Variants in SMOC2 observed in about 807,000 individuals in gnomAD.
The protein encoded by SMOC2 is SPARC related modular calcium binding 2.
In SMOC2, 39 loss-of-function variants were observed where a neutral mutation model predicts 61.4. The observed-to-expected ratio is 0.64, with a 90% confidence interval of 0.49 to 0.83. The LOEUF is 0.83. Ranked by LOEUF, SMOC2 falls within the 40% of genes least tolerant of loss-of-function variation. SMOC2 has a pLI of 0.00. For synonymous variants in SMOC2, 247 were observed against 239.9 expected, an observed-to-expected ratio of 1.03 and a Z score of -0.27; for missense variants, 556 against 592.9, an observed-to-expected ratio of 0.94 and a Z score of 0.65.
intron 4 of SMOC2, among the ~76,000 whole-genome samples, chr6:168,542,090 C>A (rs568729151): frequency 1.2e-4 from 19 of 152,314 alleles, no homozygotes; most frequent in African/African-American, 4.1e-4. Context: ...AAAATATGAT[C>A]ATTTCCCGTC....
intron 1 of SMOC2, among the ~76,000 whole-genome samples, chr6:168,446,505 A>G (rs989564195): frequency 2.6e-5 from 4 of 152,242 alleles, no homozygotes; most frequent in Non-Finnish European, 1.5e-5. Flanking sequence ...TGTTTCTCCA[A>G]TTGATGGCAT....
chr6:168,476,342 C>A (rs1272999065), intron 1 of SMOC2, among the ~76,000 whole-genome samples: 1 of 151,960 alleles, frequency 6.6e-6, no homozygotes, highest in Non-Finnish European at 1.5e-5. Flanking sequence ...GAGAACATGG[C>A]AGTTTCTGTT....
Position 168,559,887 on chromosome 6 carries a change from T to C in SMOC2, c.637+10684T>C, listed in dbSNP as rs114889847. 5.6e-3 allele frequency among the ~76,000 whole-genome samples: 849 copies of C among 152,338 alleles called. 8 individuals carry two copies. Among genetic ancestry groups the C allele is most frequent in the African/African-American group, 0.02 (816 of 41,574 alleles). Reference sequence around the variant, plus strand: ...TTTCTCTGTAGTCACCCTTATCAAGTGCTGACTGATGAGGACTTGTTTGCC... The same window carrying C: ...TTTCTCTGTAGTCACCCTTATCAAGCGCTGACTGATGAGGACTTGTTTGCC... On this transcript the variant is annotated intron_variant, in intron 7 of 12. Coordinates refer to ENST00000356284, the MANE Select transcript of SMOC2 (RefSeq NM_001166412.2).
intron 7 of SMOC2, among the ~76,000 whole-genome samples, chr6:168,571,657 T>A (rs942992172): frequency 6.6e-6 from 1 of 152,196 alleles, no homozygotes; most frequent in Non-Finnish European, 1.5e-5. Flanking sequence ...TGAGGAATAC[T>A]TCTCTATGGA....
intron 1 of SMOC2, among the ~76,000 whole-genome samples, chr6:168,467,121 A>G (rs1020933665): frequency 3.4e-5 from 5 of 147,410 alleles, no homozygotes; most frequent in African/African-American, 1.3e-4. Context: ...TGTGCTTAAC[A>G]AATCAGTGCT....
Position 168,615,501 on chromosome 6 carries a change from A to G in SMOC2, c.907+7262A>G, listed in dbSNP as rs114662653. On this transcript the variant is annotated intron_variant, in intron 9 of 12. Coordinates refer to ENST00000356284, the MANE Select transcript of SMOC2 (RefSeq NM_001166412.2). ...GCCAGCACACGGCCTCTTCACACCT[A>G]CAGCCAGCACAGGGTCTCTTCATCT... Among the ~76,000 whole-genome samples, 434 of 124,620 alleles carry G rather than the reference A, an allele frequency of 3.5e-3. 17 individuals carry two copies. Among genetic ancestry groups the G allele is most frequent in the African/African-American group, 0.013 (406 of 31,020 alleles). 81.8% of individuals were successfully genotyped at this position (124,620 alleles called of 152,430 possible).
At chr6:168,572,904 C>T (rs111263741) in intron 7 of SMOC2, among the ~76,000 whole-genome samples, 379 of 60,870 alleles carry the variant, frequency 6.2e-3, no homozygotes, top group Middle Eastern at 0.032. Flanking sequence ...GGTCCCTGAA[C>T]GCGATGTTCA....
rs1018854828 is a variant in SMOC2 at position 168,452,819 on chromosome 6, C to G, written c.84+11365C>G. On this transcript the variant is annotated intron_variant, in intron 1 of 12. Transcript: ENST00000356284. The surrounding 1 kb of genome is among the most constrained non-coding windows in gnomAD (Gnocchi z 5.0). ...TGGCCAACTTTATTCTAGAAGGCAG[C>G]AGGAAGGAGGGCAGCCCGCCAGGCC... Among the ~76,000 whole-genome samples, 2 of 152,212 alleles carry G rather than the reference C, an allele frequency of 1.3e-5. No homozygotes were observed. The highest frequency in any genetic ancestry group is 4.8e-5 in the African/African-American group (2 of 41,456).
chr6:168,531,013 G>A (rs147121345), intron 4 of SMOC2, among the ~76,000 whole-genome samples: 64 of 152,216 alleles, frequency 4.2e-4, no homozygotes, highest in Middle Eastern at 3.4e-3. Flanking sequence ...CAGTGGTGCC[G>A]TGCGCTAATG....
intron 9 of SMOC2, among the ~76,000 whole-genome samples, chr6:168,626,340 G>A (rs773248713): frequency 1.9e-4 from 29 of 152,298 alleles, no homozygotes; most frequent in Middle Eastern, 3.4e-3. Flanking sequence ...TGTTGCCAGC[G>A]TCTGTTTTTC....
intron 12 of SMOC2, chr6:168,664,485 A>G (rs1242796841): frequency 1.7e-5 from 7 of 405,504 alleles, no homozygotes; most frequent in Non-Finnish European, 3.3e-5. Flanking sequence ...TCCACCTGGG[A>G]TTACAGGCAT....
intron 7 of SMOC2, among the ~76,000 whole-genome samples, chr6:168,590,205 G>A (rs1271012741): frequency 3.7e-5 from 4 of 108,864 alleles, no homozygotes; most frequent in African/African-American, 1.1e-4. Flanking sequence ...GGGGGCAGCC[G>A]GCCTGGTGTT....
intron 9 of SMOC2, among the ~76,000 whole-genome samples, chr6:168,646,379 T>G (rs1009922073): frequency 6.6e-6 from 1 of 152,204 alleles, no homozygotes; most frequent in South Asian, 2.1e-4. Context: ...TTTGAGTTCC[T>G]TCAGGGGCAG....
At chr6:168,532,438 C>A (rs563533072) in intron 4 of SMOC2, among the ~76,000 whole-genome samples, 6 of 151,450 alleles carry the variant, frequency 4.0e-5, no homozygotes, top group Non-Finnish European at 5.9e-5. Flanking sequence ...CCCTCCCCCC[C>A]TCCCCCACAA....
At chr6:168,661,418 A>G (rs1240293269) in intron 11 of SMOC2, among the ~76,000 whole-genome samples, 2 of 152,162 alleles carry the variant, frequency 1.3e-5, no homozygotes, top group South Asian at 2.1e-4. Context: ...CCTGGCCAAC[A>G]TGGTGAAACC....
intron 7 of SMOC2, among the ~76,000 whole-genome samples, chr6:168,587,458 G>A (rs1278687318): frequency 6.6e-6 from 1 of 152,256 alleles, no homozygotes; most frequent in Non-Finnish European, 1.5e-5. Context: ...ATCAGTATGT[G>A]TAAGAAGTAC....
intron 1 of SMOC2, among the ~76,000 whole-genome samples, chr6:168,500,814 C>G (rs1782709977): frequency 6.6e-6 from 1 of 152,174 alleles, no homozygotes; most frequent in Non-Finnish European, 1.5e-5. Context: ...AGGACGCACA[C>G]GAGTGCTTCA....
At position 168,509,606 on chromosome 6, in the gene SMOC2, ACTCAG is replaced by A. The variant is rs1234063062; in HGVS notation, c.85-308_85-304del. 5.9e-5 allele frequency among the ~76,000 whole-genome samples: 9 copies of A among 152,294 alleles called. No individual in the cohort carries two copies. In the East Asian group the frequency reaches 9.7e-4, roughly 16 times the overall value. On this transcript the variant is annotated intron_variant, in intron 1 of 12. Coordinates refer to ENST00000356284, the MANE Select transcript of SMOC2 (RefSeq NM_001166412.2). ...GAATTCACAAAAGGAAAACATTGCTACTCAGACTTTAAGCGTTGAACTAGGCACAC... is the reference window on the plus strand; with the variant it reads ...GAATTCACAAAAGGAAAACATTGCTAACTTTAAGCGTTGAACTAGGCACAC...
chr6:168,566,822 G>A (rs866414565), intron 7 of SMOC2, among the ~76,000 whole-genome samples: 1 of 152,152 alleles, frequency 6.6e-6, no homozygotes, highest in East Asian at 1.9e-4. Context: ...CTAATGCAGA[G>A]TTAGACTTTG....
Sources: allele counts gnomAD v4.1 joint callset (sites outside exome capture counted in the v4.1 genomes callset), GRCh38; gene constraint gnomAD v4.1.1; non-coding constraint Gnocchi (gnomAD v3.1); transcripts MANE v1.5; gene names NCBI Gene and HGNC (gene_info 2026-07-23, HGNC 2026-07-21).